Variants in CACNA1D observed in about 807,000 individuals in gnomAD.
CACNA1D encodes voltage-dependent L-type calcium channel subunit alpha-1D.
In CACNA1D, 55 loss-of-function variants were observed where a neutral mutation model predicts 257.1. That is an observed-to-expected ratio of 0.21 (90% CI 0.17 to 0.27). The LOEUF (loss-of-function observed/expected upper bound fraction) is 0.27, where lower values mean the gene tolerates loss of function less well. CACNA1D is among the 10% of genes least tolerant of loss of function. The pLI is 1.00. For synonymous variants in CACNA1D, 980 were observed against 1,014.9 expected (o/e 0.97, Z 0.65); for missense variants, 1,876 against 2,784.0 (o/e 0.67, Z 7.34).
At chr3:53,654,542 A>G (rs781458566) in intron 4 of CACNA1D, among the ~76,000 whole-genome samples, 4 of 152,186 alleles carry the variant, frequency 2.6e-5, no homozygotes, top group Non-Finnish European at 5.9e-5. Context: ...TAGAGTATGG[A>G]TTGGTGAGCT....
At chr3:53,763,792 G>A (rs997017588) in intron 30 of CACNA1D, among the ~76,000 whole-genome samples, 4 of 152,320 alleles carry the variant, frequency 2.6e-5, no homozygotes, top group Admixed American at 2.0e-4. Flanking sequence ...GCAGTCCTAA[G>A]ACCTGGCAGT....
At chr3:53,725,325 T>G (rs1041209689) in intron 14 of CACNA1D, among the ~76,000 whole-genome samples, 2 of 152,142 alleles carry the variant, frequency 1.3e-5, no homozygotes, top group African/African-American at 2.4e-5. Context: ...CGGTGGTAGA[T>G]GTGCCGTTGT....
At position 53,748,545 on chromosome 3, in the gene CACNA1D, G is replaced by A. The variant is rs112836666; in HGVS notation, c.3315-723G>A. On this transcript the variant is annotated intron_variant, in intron 26 of 47. Transcript: ENST00000350061. ...AGCAAATCATGGTGGCAGCTGAGGA[G>A]AAAGGAGCAAACCTGGGACTCGGGG... Among the ~76,000 whole-genome samples the A allele has an allele frequency of 1.1e-3, 171 of 152,352 alleles. 1 individual carries two copies. Among genetic ancestry groups the A allele is most frequent in the African/African-American group, 3.9e-3 (161 of 41,584 alleles).
At chr3:53,552,272 A>G (rs1481935530) in intron 3 of CACNA1D, among the ~76,000 whole-genome samples, 1 of 152,080 alleles carries the variant, frequency 6.6e-6, no homozygotes, top group Non-Finnish European at 1.5e-5. Context: ...ACACCTCTTC[A>G]TTGTCCCAGA....
chr3:53,697,636 C>G (rs2094584466), intron 8 of CACNA1D, among the ~76,000 whole-genome samples: 1 of 152,008 alleles, frequency 6.6e-6, no homozygotes, highest in Non-Finnish European at 1.5e-5. Context: ...ATCCATGTAC[C>G]CCTTACCCCA....
chr3:53,783,576 C>G (rs770411007), intron 39 of CACNA1D, among the ~76,000 whole-genome samples: 1 of 152,154 alleles, frequency 6.6e-6, no homozygotes, highest in Non-Finnish European at 1.5e-5. Context: ...TTGCAAGCTC[C>G]CTGCCTGTGT....
chr3:53,498,168 C>T (rs920991896), intron 2 of CACNA1D, among the ~76,000 whole-genome samples: 13 of 152,186 alleles, frequency 8.5e-5, no homozygotes. Context: ...TGTGCCTCTT[C>T]CTCCTGGGCC....
intron 11 of CACNA1D, among the ~76,000 whole-genome samples, chr3:53,720,547 TAAAGG>T (rs2094871852): frequency 6.6e-6 from 1 of 152,164 alleles, no homozygotes; most frequent in Non-Finnish European, 1.5e-5. Context: ...GATTAATGCA[TAAAGG>T]AGAGTGTCAA....
intron 9 of CACNA1D, among the ~76,000 whole-genome samples, chr3:53,707,248 C>A (rs868523065): frequency 6.6e-6 from 1 of 152,030 alleles, no homozygotes; most frequent in African/African-American, 2.4e-5. Context: ...CTTCTTGATG[C>A]CATACTCCAC....
chr3:53,538,864 A>G (rs1360180027), intron 3 of CACNA1D, among the ~76,000 whole-genome samples: 2 of 152,210 alleles, frequency 1.3e-5, no homozygotes, highest in Non-Finnish European at 2.9e-5. Flanking sequence ...AAACACATAG[A>G]GAAAATGCAT....
At chr3:53,681,335 A>G (rs2094428107) in intron 8 of CACNA1D, among the ~76,000 whole-genome samples, 1 of 152,348 alleles carries the variant, frequency 6.6e-6, no homozygotes, top group East Asian at 1.9e-4. Context: ...ATTGTTCCAC[A>G]GCTCTCTGGA....
intron 3 of CACNA1D, among the ~76,000 whole-genome samples, chr3:53,566,818 A>G (rs1200146512): frequency 1.3e-5 from 2 of 152,106 alleles, no homozygotes; most frequent in Non-Finnish European, 2.9e-5. Context: ...TTCCATGAGT[A>G]TTCTTCCATT....
chr3:53,772,989 C>T (rs374413467), intron 33 of CACNA1D, 91 bp downstream of exon 33: 3 of 1,114,070 alleles, frequency 2.7e-6, no homozygotes, highest in African/African-American at 1.5e-5. Context: ...GAAGTAGAAG[C>T]ATTGTGATTT....
At chr3:53,762,147 C>A in intron 30 of CACNA1D, 66 bp downstream of exon 30, 1 of 998,636 alleles carries the variant, frequency 1.0e-6, no homozygotes, top group Non-Finnish European at 1.6e-6. Flanking sequence ...TACTCCGCTC[C>A]CTGCCCTGCA....
chr3:53,755,736 G>A (rs781575331), intron 29 of CACNA1D, among the ~76,000 whole-genome samples: 3 of 152,170 alleles, frequency 2.0e-5, no homozygotes, highest in East Asian at 3.9e-4. Flanking sequence ...AGTTTATATC[G>A]TGTGCCGGGA....
chr3:53,735,048 A>G (rs895997698), intron 19 of CACNA1D, among the ~76,000 whole-genome samples: 2 of 152,158 alleles, frequency 1.3e-5, no homozygotes, highest in Non-Finnish European at 2.9e-5. Flanking sequence ...GGTCCTTACT[A>G]GTGTCACTTT....
At chr3:53,645,873 G>C (rs1430354879) in intron 3 of CACNA1D, among the ~76,000 whole-genome samples, 2 of 152,142 alleles carry the variant, frequency 1.3e-5, no homozygotes, top group Non-Finnish European at 2.9e-5. Context: ...AGAAAGAAGG[G>C]AACAGGATGT....
intron 3 of CACNA1D, among the ~76,000 whole-genome samples, chr3:53,517,478 T>C (rs2091386301): frequency 1.3e-5 from 2 of 150,780 alleles, no homozygotes; most frequent in Admixed American, 6.6e-5. Context: ...CTTTTCCTTT[T>C]CTTTCTTTCT....
chr3:53,687,025 T>G (rs79803472), intron 8 of CACNA1D, among the ~76,000 whole-genome samples: 2 of 151,902 alleles, frequency 1.3e-5, no homozygotes, highest in Non-Finnish European at 2.9e-5. Context: ...TTTAAAAAAT[T>G]ACCATCAAAA....
Sources: gnomAD v4.1 joint callset for allele counts (sites outside exome capture counted in the v4.1 genomes callset) on GRCh38, gnomAD v4.1.1 for gene constraint, MANE v1.5 for transcripts, NCBI Gene and HGNC (gene_info 2026-07-23, HGNC 2026-07-21) for gene names.